Variants in ZBTB5 observed in about 807,000 individuals in gnomAD.
ZBTB5 encodes the protein zinc finger and BTB domain containing 5.
Under a neutral mutation model 37.9 loss-of-function variants are expected in ZBTB5, and 15 were observed. The ratio of observed to expected loss-of-function variants is 0.40; its 90% CI spans 0.26 to 0.61. The LOEUF is 0.61. ZBTB5 is among the 20% of genes least tolerant of loss of function. ZBTB5 has a pLI of 0.47. For missense variants in ZBTB5, 708 were observed against 856.8 expected (o/e 0.83, Z 2.17); for synonymous variants, 315 against 312.4 (o/e 1.01, Z -0.09).
intron 1 of ZBTB5, among the ~76,000 whole-genome samples, chr9:37,460,901 A>C (rs1824281049): frequency 6.6e-6 from 1 of 152,206 alleles, no homozygotes; most frequent in Non-Finnish European, 1.5e-5. Context: ...AAAGAAAAAA[A>C]AAAACTAAAC....
At chr9:37,456,454 G>T (rs1163845045) in intron 1 of ZBTB5, among the ~76,000 whole-genome samples, 3 of 152,222 alleles carry the variant, frequency 2.0e-5, no homozygotes, top group African/African-American at 7.2e-5. Context: ...CTCTGTCAGG[G>T]TTGGCTCAGA....
intron 1 of ZBTB5, among the ~76,000 whole-genome samples, chr9:37,443,240 A>G (rs1823918311): frequency 6.6e-6 from 1 of 151,392 alleles, no homozygotes; most frequent in African/African-American, 2.4e-5. Context: ...AATCCCAGGT[A>G]CTCGGGAGGC....
intron 1 of ZBTB5, among the ~76,000 whole-genome samples, chr9:37,454,456 T>A (rs1448726523): frequency 6.6e-6 from 1 of 152,190 alleles, no homozygotes; most frequent in African/African-American, 2.4e-5. Context: ...TGGCAAGCAA[T>A]CTACTGATGT....
At chr9:37,444,198 G>T (rs1383815605) in intron 1 of ZBTB5, among the ~76,000 whole-genome samples, 1 of 152,094 alleles carries the variant, frequency 6.6e-6, no homozygotes. Context: ...GTAAGAAATG[G>T]TTTTTTGTTT....
At chr9:37,449,029 C>T (rs536446825) in intron 1 of ZBTB5, among the ~76,000 whole-genome samples, 136 of 151,928 alleles carry the variant, frequency 9.0e-4, no homozygotes, top group African/African-American at 3.0e-3. Flanking sequence ...GGTGACAGAG[C>T]GAGACTCCGT....
At chr9:37,452,180 G>A (rs1043558508) in intron 1 of ZBTB5, among the ~76,000 whole-genome samples, 1 of 152,184 alleles carries the variant, frequency 6.6e-6, no homozygotes, top group African/African-American at 2.4e-5. Flanking sequence ...AAGCAAGATG[G>A]GGTCGGTTAG....
Position 37,441,441 on chromosome 9 carries a change from T to C in ZBTB5, c.1111A>G (p.Ser371Gly). Residue 371 changes from serine to glycine, a missense_variant, in exon 2 of 2, where the codon AGC becomes GGC. Around this residue, in one of 3 missense-constraint regions of ZBTB5, gnomAD observed 639 missense variants for 690.5 expected, o/e 0.93. Coordinates refer to ENST00000307750, the MANE Select transcript of ZBTB5 (RefSeq NM_014872.3). The stretch of plus-strand genomic sequence containing the variant: ...AAACTCCGATCACTGCTTTCAGGGC[T>C]GAGGTCTATCTTCTCGGCACTGACC... ...VVVSAEKIDL[S>G]PESSDRSFSD... The C allele has an allele frequency of 1.2e-6, 2 of 1,613,810 alleles. No homozygotes were observed. Among genetic ancestry groups the C allele is most frequent in the Non-Finnish European group, 1.7e-6 (2 of 1,179,980 alleles).
In ZBTB5 at chr9:37,438,278, C is replaced by T. The variant is rs1346229121; in HGVS notation, c.*2240G>A. The stretch of plus-strand genomic sequence containing the variant: ...TAATTAAGGCTAACCAATCAAAATT[C>T]AGGTACCCAAAACCAGTTATAATCC... On this transcript the variant is annotated 3_prime_UTR_variant, in exon 2 of 2. Transcript: ENST00000307750. The T allele has an allele frequency of 6.6e-6, 1 of 152,578 alleles. No homozygotes were observed. The highest frequency in any genetic ancestry group is 2.4e-5 in the African/African-American group (1 of 41,434). 9.5% of individuals were successfully genotyped at this position (152,578 alleles called of 1,614,324 possible). A position where few individuals can be genotyped will look rare whatever the true frequency, so the allele number is the denominator to read the frequency against.
At position 37,451,268 on chromosome 9, in the gene ZBTB5, G is replaced by A. The variant is rs114896038; in HGVS notation, c.-4-8713C>T. On this transcript the variant is annotated intron_variant, in intron 1 of 1. Coordinates refer to ENST00000307750, the MANE Select transcript of ZBTB5 (RefSeq NM_014872.3). ...TTAAATCTTGTAGAACTACTGATTC[G>A]TTAAATGATGTTCACTGGCTAGGCA... is the stretch of plus-strand genomic sequence containing the variant. Among the ~76,000 whole-genome samples, 667 of 152,098 alleles carry A rather than the reference G, an allele frequency of 4.4e-3. 3 individuals are homozygous for A. The highest frequency in any genetic ancestry group is 0.015 in the African/African-American group (622 of 41,488).
intron 1 of ZBTB5, among the ~76,000 whole-genome samples, chr9:37,459,397 T>C (rs960458776): frequency 6.7e-6 from 1 of 150,228 alleles, no homozygotes; most frequent in Non-Finnish European, 1.5e-5. Flanking sequence ...GAGGCAGAGG[T>C]TGCAGTGAGC....
chr9:37,451,007 C>A (rs1042424584), intron 1 of ZBTB5, among the ~76,000 whole-genome samples: 2 of 150,440 alleles, frequency 1.3e-5, no homozygotes, highest in Non-Finnish European at 1.5e-5. Context: ...GTGAGACCCC[C>A]GTCTCTACCA....
intron 1 of ZBTB5, among the ~76,000 whole-genome samples, chr9:37,447,595 TATA>T (rs1331037967): frequency 6.6e-6 from 1 of 152,150 alleles, no homozygotes; most frequent in Non-Finnish European, 1.5e-5. Flanking sequence ...GGATTACAGG[TATA>T]ATAACAGTAA....
intron 1 of ZBTB5, among the ~76,000 whole-genome samples, chr9:37,461,833 AATC>A (rs1463755454): frequency 1.3e-5 from 2 of 152,252 alleles, no homozygotes; most frequent in African/African-American, 4.8e-5. Context: ...CCTATCACTT[AATC>A]ATCCTTTAAA....
At chr9:37,452,688 G>A (rs1824124660) in intron 1 of ZBTB5, among the ~76,000 whole-genome samples, 1 of 152,194 alleles carries the variant, frequency 6.6e-6, no homozygotes, top group African/African-American at 2.4e-5. Flanking sequence ...TGTTCTAGCA[G>A]GGGTGCTCTG....
chr9:37,449,113 G>A (rs1409876617), intron 1 of ZBTB5, among the ~76,000 whole-genome samples: 1 of 152,026 alleles, frequency 6.6e-6, no homozygotes, highest in Non-Finnish European at 1.5e-5. Context: ...GGCCGGGCAC[G>A]GTGGCTTACA....
chr9:37,452,185 G>C (rs1321166938), intron 1 of ZBTB5, among the ~76,000 whole-genome samples: 1 of 152,140 alleles, frequency 6.6e-6, no homozygotes, highest in African/African-American at 2.4e-5. Flanking sequence ...AGATGGGGTC[G>C]GTTAGGTCTG....
At chr9:37,451,172 C>A (rs1824096453) in intron 1 of ZBTB5, among the ~76,000 whole-genome samples, 1 of 149,650 alleles carries the variant, frequency 6.7e-6, no homozygotes, top group Non-Finnish European at 1.5e-5. Flanking sequence ...CAGAGTGAGA[C>A]CCTATCTCCA....
intron 1 of ZBTB5, among the ~76,000 whole-genome samples, chr9:37,455,165 T>C (rs771423691): frequency 6.6e-6 from 1 of 152,098 alleles, no homozygotes; most frequent in Non-Finnish European, 1.5e-5. Flanking sequence ...CACAGGCAGA[T>C]GAGCAGACAA....
In ZBTB5 at chr9:37,442,323, A is replaced by C; in HGVS notation, c.229T>G (p.Phe77Val). ...LDSEVVTAEA[F>V]AALIDMMYTS... ...TACATCATGTCAATCAGTGCAGCAA[A>C]GGCCTCTGCTGTCACCACCTCGCTA... Residue 77 changes from phenylalanine to valine, a missense_variant, in exon 2 of 2, where the codon TTT (phenylalanine) becomes GTT (valine). Physicochemically the swap from Phe to Val is conservative, Grantham distance 50. Around this residue, in one of 3 missense-constraint regions of ZBTB5, gnomAD observed 639 missense variants for 690.5 expected, o/e 0.93. Coordinates refer to ENST00000307750, the MANE Select transcript of ZBTB5 (RefSeq NM_014872.3). The C allele has an allele frequency of 6.2e-7, 1 of 1,614,162 alleles. No homozygotes were observed. The highest frequency in any genetic ancestry group is 8.5e-7 in the Non-Finnish European group (1 of 1,180,020).
Sources: gnomAD v4.1 joint callset for allele counts (sites outside exome capture counted in the v4.1 genomes callset) on GRCh38, gnomAD v4.1.1 for gene constraint, gnomAD v4.1.1 regional missense constraint, MANE v1.5 for transcripts, NCBI Gene and HGNC (gene_info 2026-07-23, HGNC 2026-07-21) for gene names.